RBM10: variants seen among roughly 807,000 people sequenced by gnomAD.
RBM10 encodes RNA-binding protein 10.
A neutral mutation model predicts 84.9 loss-of-function variants in RBM10; 1 was observed. That is an observed-to-expected ratio of 0.01 (90% CI 0.00 to 0.06). RBM10 has a LOEUF of 0.06. Ranked by LOEUF, RBM10 falls within the 10% of genes least tolerant of loss-of-function variation. RBM10 has a pLI of 1.00. For synonymous variants in RBM10, 326 were observed against 344.5 expected (o/e 0.95, Z 0.60); for missense variants, 438 against 839.0 (o/e 0.52, Z 5.90).
intron 2 of RBM10, chrX:47,157,871 C>T: frequency 6.7e-6 from 2 of 298,924 alleles, no homozygotes; most frequent in Non-Finnish European, 1.2e-5. Flanking sequence ...CCTCTGCCCC[C>T]CAGGTTCAAG....
At chrX:47,182,430 G>A (rs2147201622) in intron 17 of RBM10, 104 bp downstream of exon 17, 2 of 1,080,364 alleles carry the variant, frequency 1.9e-6, no homozygotes, top group Non-Finnish European at 2.5e-6. Context: ...TGGCGGGCAG[G>A]TGTGGATGTG....
chrX:47,160,601 CATGTT>C (rs1258553878), intron 2 of RBM10, among the ~76,000 whole-genome samples: 1 of 107,189 alleles, frequency 9.3e-6, no homozygotes, highest in African/African-American at 3.4e-5. Flanking sequence ...AAAAAAAAAA[CATGTT>C]AGTGAGGCTG....
intron 2 of RBM10, chrX:47,157,611 A>C (rs1556765565): frequency 8.3e-6 from 4 of 480,979 alleles, no homozygotes. Flanking sequence ...GAAGGAGTCC[A>C]GGACGATGGT....
In RBM10 at chrX:47,181,632, G is replaced by A. The variant is rs1210515088; in HGVS notation, c.1561G>A (p.Ala521Thr). The A allele has an allele frequency of 8.3e-7, 1 of 1,206,391 alleles. No individual in the cohort carries two copies. The highest frequency in any genetic ancestry group is 1.7e-5 in the African/African-American group (1 of 57,875). The change falls in exon 14 of 24, where the codon GCT becomes ACT. Residue 521 changes from alanine (A) to threonine (T), a missense_variant. Around this residue, in one of 8 missense-constraint regions of RBM10, gnomAD observed 97 missense variants for 110.3 expected, o/e 0.88. Transcript: ENST00000377604. ...SAEASSSQGT[A>T]ANSQSYTIMS... The stretch of plus-strand genomic sequence containing the variant: ...CGAGGCGAGCAGTAGCCAGGGCACT[G>A]CTGCCAACAGCCAGGTGAGTGAGCC...
intron 2 of RBM10, chrX:47,157,724 G>A: frequency 3.9e-6 from 2 of 517,362 alleles, no homozygotes; most frequent in East Asian, 3.4e-5. Context: ...ACTTGTGAAT[G>A]ATGACGTCCA....
At chrX:47,182,462 C>A (rs1485117574) in intron 17 of RBM10, 136 bp downstream of exon 17, 2 of 927,757 alleles carry the variant, frequency 2.2e-6, no homozygotes, top group African/African-American at 3.9e-5. Context: ...CTTAGCAGAC[C>A]ATGCTCTTGC....
At chrX:47,152,375 C>T (rs1234656909) in intron 2 of RBM10, among the ~76,000 whole-genome samples, 4 of 108,933 alleles carry the variant, frequency 3.7e-5, no homozygotes, top group East Asian at 5.7e-4. Context: ...AATGAATTCC[C>T]ATATATCCTC....
intron 17 of RBM10, among the ~76,000 whole-genome samples, chrX:47,183,687 TTTTA>T (rs1211315063): frequency 1.8e-5 from 2 of 110,857 alleles, no homozygotes; most frequent in Admixed American, 9.6e-5. Flanking sequence ...CACTTGTTTA[TTTTA>T]TTTATTTATT....
chrX:47,174,695 C>T (rs782094676), intron 5 of RBM10, among the ~76,000 whole-genome samples: 5 of 110,563 alleles, frequency 4.5e-5, no homozygotes, highest in South Asian at 3.8e-4. Context: ...TGCTTCTCTC[C>T]GTCTCTGTCA....
rs376998633 is a variant in RBM10 at position 47,186,451 on chromosome X, C to G, written c.2668-23C>G. 3,356 of 1,202,641 alleles carry G rather than the reference C, an allele frequency of 2.8e-3. 20 individuals are homozygous for G. Among genetic ancestry groups the G allele is most frequent in the South Asian group, 5.0e-3 (278 of 55,520 alleles). On this transcript the variant is annotated intron_variant, in intron 23 of 23. Transcript: ENST00000377604. ...CTCACAGCATCCCCCACCAGCCTGA[C>G]AGAGCCTGCCTCCCTCACACAGGCC... is the stretch of plus-strand genomic sequence containing the variant.
intron 2 of RBM10, among the ~76,000 whole-genome samples, chrX:47,152,295 T>C (rs893390356): frequency 9.0e-6 from 1 of 111,505 alleles, no homozygotes. Flanking sequence ...TCATGGTATG[T>C]ATGTATATGT....
intron 2 of RBM10, among the ~76,000 whole-genome samples, chrX:47,166,464 T>C (rs1316204076): frequency 1.8e-5 from 2 of 110,334 alleles, no homozygotes; most frequent in African/African-American, 6.6e-5. Context: ...CTCATCTTTC[T>C]CTCTCTCTTT....
rs1246171469 is a variant in RBM10, at chrX:47,185,329, A to G, written c.2128A>G (p.Ser710Gly). ...AGCACTAGCCGAGAGACAGCACACCAGCATGGATCTCCCGAAATTGGCCAG... is the reference window on the plus strand; with the variant it reads ...AGCACTAGCCGAGAGACAGCACACCGGCATGGATCTCCCGAAATTGGCCAG... Reference protein sequence around the residue: ...KGALAERQHTSMDLPKLASDD... With the variant: ...KGALAERQHTGMDLPKLASDD... The change falls in exon 19 of 24, where the codon AGC becomes GGC. Residue 710 changes from serine (S) to glycine (G), a missense_variant. Coordinates refer to ENST00000377604, the MANE Select transcript of RBM10 (RefSeq NM_005676.5). 7.4e-6 allele frequency: 9 copies of G among 1,208,487 alleles called. No individual in the cohort carries two copies. Among genetic ancestry groups the G allele is most frequent in the Non-Finnish European group, 8.9e-6 (8 of 894,215 alleles).
intron 1 of RBM10, 177 bp downstream of exon 1, chrX:47,145,662 T>TTTTG: frequency 2.9e-6 from 1 of 345,628 alleles, no homozygotes; most frequent in African/African-American, 3.6e-5. Context: ...TTTTTTTTTT[T>TTTTG]GGTGTGAGCA....
At position 47,169,414 on chromosome X, in the gene RBM10, G is replaced by A. The variant is rs1482080375; in HGVS notation, c.117G>A (p.Met39Ile). ...GCCGAGACCACGACTACCGGGACAT[G>A]GACTACCGTTCATATCCTCGCGAGT... ...NRSRDHDYRD[M>I]DYRSYPREYG... Residue 39 changes from methionine to isoleucine, a missense_variant, in exon 3 of 24, where the codon ATG becomes ATA. Met to Ile is a conservative substitution (Grantham distance 10, BLOSUM62 1). Coordinates refer to ENST00000377604, the MANE Select transcript of RBM10 (RefSeq NM_005676.5). 3 of 1,210,493 alleles carry A rather than the reference G, an allele frequency of 2.5e-6. No homozygotes were observed. The highest frequency in any genetic ancestry group is 5.9e-5 in the East Asian group (2 of 33,751).
At chrX:47,179,786 G>A in intron 9 of RBM10, 94 bp from the exon 10 acceptor site, 1 of 1,060,581 alleles carries the variant, frequency 9.4e-7, no homozygotes, top group South Asian at 2.0e-5. Flanking sequence ...CACGGAGTGA[G>A]TGGGGGCAGA....
rs781822942 is a variant in RBM10 at position 47,171,161 on chromosome X, GGGAGGA to G, written c.354_359del (p.Glu118_Glu119del). The stretch of plus-strand genomic sequence containing the variant: ...GACCAGGACTATCGGACCGAGCAAG[GGGAGGA>G]GGAGGAGGAGGAGGAGGATGAGGAG... On this transcript the variant is annotated inframe_deletion, in exon 4 of 24. Transcript: ENST00000377604. The G allele has an allele frequency of 3.3e-6, 4 of 1,205,159 alleles. No individual in the cohort carries two copies. The highest frequency in any genetic ancestry group is 3.0e-5 in the East Asian group (1 of 33,589).
rs782309323 is a variant in RBM10 at position 47,181,933 on chromosome X, G to A, written c.1694-18G>A. 39 of 1,208,576 alleles carry A rather than the reference G, an allele frequency of 3.2e-5. No individual in the cohort carries two copies. The highest frequency in any genetic ancestry group is 3.2e-4 in the South Asian group (18 of 56,698). ...ATAAAGCAGGGAATAGTGTGACCCC[G>A]TTCCCCTCACCCCCTAGCTGTTCCC... On this transcript the variant is annotated intron_variant, in intron 15 of 23. Transcript: ENST00000377604.
intron 2 of RBM10, among the ~76,000 whole-genome samples, chrX:47,150,421 G>T (rs1932735684): frequency 8.9e-6 from 1 of 111,856 alleles, no homozygotes; most frequent in Non-Finnish European, 1.9e-5. Flanking sequence ...ACCCGCCTTG[G>T]CCTCCCAAAA....
Sources: allele counts gnomAD v4.1 joint callset (sites outside exome capture counted in the v4.1 genomes callset), GRCh38; gene constraint gnomAD v4.1.1; regional missense constraint gnomAD v4.1.1; transcripts MANE v1.5; gene names NCBI Gene and HGNC (gene_info 2026-07-23, HGNC 2026-07-21).